TANGO6: variants seen among roughly 807,000 people sequenced by gnomAD.
TANGO6 encodes transport and golgi organization 6 homolog.
A neutral mutation model predicts 114.2 loss-of-function variants in TANGO6; 90 were observed. That is an observed-to-expected ratio of 0.79 (90% CI 0.66 to 0.94). The LOEUF (loss-of-function observed/expected upper bound fraction) is 0.94, where lower values mean the gene tolerates loss of function less well. Ranked by LOEUF, TANGO6 falls within the 40% of genes least tolerant of loss-of-function variation. The pLI, the probability that TANGO6 is intolerant of heterozygous loss-of-function variation, is 0.00. For missense variants in TANGO6, 1,274 were observed against 1,315.3 expected (o/e 0.97, Z 0.49); for synonymous variants, 477 against 509.8 (o/e 0.94, Z 0.87).
chr16:68,862,196 T>A (rs1962103004), intron 2 of TANGO6, among the ~76,000 whole-genome samples: 1 of 151,684 alleles, frequency 6.6e-6, no homozygotes, highest in Admixed American at 6.6e-5. Context: ...TGCCACCATA[T>A]CCAGCTTGCT....
At chr16:68,874,326 A>G (rs1194677318) in intron 4 of TANGO6, among the ~76,000 whole-genome samples, 1 of 152,146 alleles carries the variant, frequency 6.6e-6, no homozygotes, top group African/African-American at 2.4e-5. Flanking sequence ...AACTCTCTCC[A>G]GTCAGTGAAC....
chr16:68,926,684 T>C (rs558327514), intron 12 of TANGO6, among the ~76,000 whole-genome samples: 2 of 151,564 alleles, frequency 1.3e-5, no homozygotes, highest in Non-Finnish European at 2.9e-5. Context: ...CATGCCACCA[T>C]GCCCAGCTGA....
intron 15 of TANGO6, among the ~76,000 whole-genome samples, chr16:68,991,524 C>G (rs1225984284): frequency 6.6e-6 from 1 of 152,090 alleles, no homozygotes; most frequent in African/African-American, 2.4e-5. Flanking sequence ...TCCTGTAATC[C>G]TAACTACTCA....
intron 17 of TANGO6, among the ~76,000 whole-genome samples, chr16:69,074,269 G>T (rs566328192): frequency 4.0e-5 from 6 of 150,828 alleles, no homozygotes; most frequent in African/African-American, 1.2e-4. Flanking sequence ...TTAGTGCTGT[G>T]TGTGTGTGTG....
rs1963733728 is a variant in TANGO6, at chr16:68,973,764, T to G, written c.2702-264T>G. 5 of 469,260 alleles carry G rather than the reference T, an allele frequency of 1.1e-5. No individual in the cohort carries two copies. The South Asian group carries it at 1.1e-4, about 10-fold the overall frequency. The allele number at this position is 469,260 out of a possible 1,614,324, so 29.1% of individuals were successfully genotyped here. A position where few individuals can be genotyped will look rare whatever the true frequency, so the allele number is the denominator to read the frequency against. On this transcript the variant is annotated intron_variant, in intron 14 of 17. Coordinates refer to ENST00000261778, the MANE Select transcript of TANGO6 (RefSeq NM_024562.2). Reference sequence around the variant, plus strand: ...GAACTGCAGCAAAGGCAGGAGGCATTGCCTGGATCATAGAACGTCAGTGCT... The same window carrying G: ...GAACTGCAGCAAAGGCAGGAGGCATGGCCTGGATCATAGAACGTCAGTGCT...
chr16:69,053,929 G>T (rs190125324), intron 17 of TANGO6, among the ~76,000 whole-genome samples: 2 of 152,156 alleles, frequency 1.3e-5, no homozygotes, highest in Non-Finnish European at 2.9e-5. Flanking sequence ...GCCAGGTATG[G>T]TGGCAGGGGC....
chr16:68,927,616 G>A lies in TANGO6; in HGVS notation c.2176G>A (p.Glu726Lys). 6.2e-7 allele frequency: 1 copy of A among 1,613,910 alleles called. No homozygotes were observed. The highest frequency in any genetic ancestry group is 8.5e-7 in the Non-Finnish European group (1 of 1,179,874). The change falls in exon 13 of 18, where the codon GAG becomes AAG. Residue 726 changes from glutamate to lysine, a missense_variant. Glu to Lys is a moderately conservative substitution (Grantham distance 56). Around this residue, in one of 5 missense-constraint regions of TANGO6, gnomAD observed 908 missense variants for 910.2 expected, o/e 1.00. Transcript: ENST00000261778. Reference protein sequence around the residue: ...AVLKQLLPLLEKVSNTYPDPV... With the variant: ...AVLKQLLPLLKKVSNTYPDPV... ...TCTGAAGCAGTTGTTGCCTCTGTTG[G>A]AGAAGGTATCCAACACATACCCTGA...
chr16:69,059,519 CT>C (rs1254401231), intron 17 of TANGO6, among the ~76,000 whole-genome samples: 1 of 150,940 alleles, frequency 6.6e-6, no homozygotes, highest in Non-Finnish European at 1.5e-5. Context: ...TTTCTTTTTT[CT>C]TTTTTTCTCT....
chr16:68,856,792 G>A (rs187407361), intron 1 of TANGO6, among the ~76,000 whole-genome samples: 1 of 152,124 alleles, frequency 6.6e-6, no homozygotes, highest in African/African-American at 2.4e-5. Context: ...GTCTCATACA[G>A]TATAGTTTCA....
intron 15 of TANGO6, among the ~76,000 whole-genome samples, chr16:69,016,350 A>G (rs1959297899): frequency 6.6e-6 from 1 of 151,698 alleles, no homozygotes; most frequent in African/African-American, 2.4e-5. Flanking sequence ...GTGAGCCGAG[A>G]TTGCGCTGTT....
intron 7 of TANGO6, among the ~76,000 whole-genome samples, chr16:68,881,812 A>G (rs1962465841): frequency 6.6e-6 from 1 of 152,160 alleles, no homozygotes. Context: ...AATGAAATTC[A>G]TTGTGTTATG....
At chr16:68,844,700 A>T (rs559214755) in intron 1 of TANGO6, among the ~76,000 whole-genome samples, 14 of 152,288 alleles carry the variant, frequency 9.2e-5, no homozygotes, top group African/African-American at 3.4e-4. Context: ...CAGTCCCCAT[A>T]GTAGGCTGTT....
chr16:68,869,969 A>T (rs996031232), intron 4 of TANGO6, among the ~76,000 whole-genome samples: 1 of 152,188 alleles, frequency 6.6e-6, no homozygotes, highest in Non-Finnish European at 1.5e-5. Flanking sequence ...GGGAGGCCTG[A>T]TAGGCTGAGT....
chr16:68,859,806 G>C (rs1567525192), intron 1 of TANGO6, 78 bp from the exon 2 acceptor site: 6 of 1,441,404 alleles, frequency 4.2e-6, no homozygotes, highest in Non-Finnish European at 5.5e-6. Flanking sequence ...ATGAACTGGA[G>C]TAGGCAGGGC....
intron 14 of TANGO6, among the ~76,000 whole-genome samples, chr16:68,957,397 A>ATTT (rs57031701): frequency 4.5e-5 from 6 of 134,142 alleles, no homozygotes; most frequent in Admixed American, 1.5e-4. Flanking sequence ...GCATAACACT[A>ATTT]TTTTTTTTTT....
chr16:69,071,261 C>G (rs767338225), intron 17 of TANGO6, among the ~76,000 whole-genome samples: 2 of 152,174 alleles, frequency 1.3e-5, no homozygotes, highest in Non-Finnish European at 2.9e-5. Context: ...TTTTCCAGCC[C>G]TCACTCAAAA....
At chr16:69,006,137 CT>C (rs1377490616) in intron 15 of TANGO6, among the ~76,000 whole-genome samples, 1 of 152,104 alleles carries the variant, frequency 6.6e-6, no homozygotes, top group South Asian at 2.1e-4. Flanking sequence ...CTGGGTTCTG[CT>C]TGGCTGGTGG....
rs538143515 is a variant in TANGO6 at position 68,989,249 on chromosome 16, A to G, written c.2842+15081A>G. Reference sequence around the variant, plus strand: ...CATTCTAGGACTTTACACATATATTAGATTTTTTTGTTCTTGTTCTTGTTC... The same window carrying G: ...CATTCTAGGACTTTACACATATATTGGATTTTTTTGTTCTTGTTCTTGTTC... On this transcript the variant is annotated intron_variant, in intron 15 of 17. Coordinates refer to ENST00000261778, the MANE Select transcript of TANGO6 (RefSeq NM_024562.2). Among the ~76,000 whole-genome samples the G allele has an allele frequency of 2.6e-4, 39 of 151,934 alleles. No individual in the cohort carries two copies. The South Asian group carries it at 7.5e-3, about 29-fold the overall frequency.
intron 16 of TANGO6, among the ~76,000 whole-genome samples, chr16:69,036,836 G>A (rs755205172): frequency 5.3e-5 from 8 of 152,008 alleles, no homozygotes; most frequent in South Asian, 2.1e-4. Flanking sequence ...AGTGGTACAC[G>A]CCTGTAGTCC....
Sources: gnomAD v4.1 joint callset for allele counts (sites outside exome capture counted in the v4.1 genomes callset) on GRCh38, gnomAD v4.1.1 for gene constraint, gnomAD v4.1.1 regional missense constraint, MANE v1.5 for transcripts, NCBI Gene and HGNC (gene_info 2026-07-23, HGNC 2026-07-21) for gene names.